FOXR1: variants seen among roughly 807,000 people sequenced by gnomAD.
FOXR1 encodes the protein forkhead box protein R1.
A neutral mutation model predicts 34.5 loss-of-function variants in FOXR1; 25 were observed. The observed-to-expected ratio is 0.72, with a 90% CI of 0.53 to 1.01. The LOEUF is 1.01. FOXR1 is among the 50% of genes least tolerant of loss of function. FOXR1 has a pLI of 0.00. For synonymous variants in FOXR1, 153 were observed against 141.6 expected (o/e 1.08, Z -0.57); for missense variants, 373 against 376.2 (o/e 0.99, Z 0.07).
intron 1 of FOXR1, 133 bp downstream of exon 1, chr11:118,972,125 CCG>C: frequency 2.1e-6 from 1 of 486,240 alleles, no homozygotes; most frequent in Non-Finnish European, 3.1e-6. Flanking sequence ...GCCGAGCGCC[CCG>C]CGCCCCCCCC....
intron 4 of FOXR1, among the ~76,000 whole-genome samples, chr11:118,980,055 G>T (rs1941834870): frequency 6.6e-6 from 1 of 152,060 alleles, no homozygotes; most frequent in Non-Finnish European, 1.5e-5. Context: ...GCACCCCCAG[G>T]GGTGCAGAGA....
At chr11:118,977,045 T>C (rs1277203582) in intron 1 of FOXR1, among the ~76,000 whole-genome samples, 1 of 152,192 alleles carries the variant, frequency 6.6e-6, no homozygotes, top group Non-Finnish European at 1.5e-5. Context: ...TAGAACTTTT[T>C]TTTGAGACAG....
At position 118,978,823 on chromosome 11, in the gene FOXR1, C is replaced by A. The variant is rs1247053576; in HGVS notation, c.103C>A (p.Pro35Thr). 1 of 1,614,184 alleles carries A rather than the reference C, an allele frequency of 6.2e-7. No homozygotes were observed. Among genetic ancestry groups the A allele is most frequent in the Admixed American group, 1.7e-5 (1 of 60,010 alleles). The change falls in exon 2 of 6, where the codon CCC becomes ACC. Residue 35 changes from proline to threonine, a missense_variant. Physicochemically the swap from Pro to Thr is conservative, Grantham distance 38. Transcript: ENST00000317011. ...KLRIVKPPKL[P>T]LEKKPNPDKD... is the part of the protein sequence containing the mutation. ...CCGAATTGTTAAGCCACCAAAATTA[C>A]CCCTAGAGAAAAAACCCAACCCTGA...
intron 1 of FOXR1, among the ~76,000 whole-genome samples, chr11:118,973,747 A>G (rs142055666): frequency 7.2e-6 from 1 of 138,764 alleles, no homozygotes; most frequent in Non-Finnish European, 1.5e-5. Flanking sequence ...AGGCTGGAGT[A>G]CAGTAGCGCA....
At position 118,971,807 on chromosome 11, in the gene FOXR1, C is replaced by G. The variant is rs1397658557; in HGVS notation, c.-125C>G. The G allele has an allele frequency of 9.6e-7, 1 of 1,038,022 alleles. No homozygotes were observed. The highest frequency in any genetic ancestry group is 1.4e-6 in the Non-Finnish European group (1 of 691,470). 64.3% of individuals were successfully genotyped at this position (1,038,022 alleles called of 1,614,324 possible). A position where few individuals can be genotyped will look rare whatever the true frequency, so the allele number is the denominator to read the frequency against. On this transcript the variant is annotated 5_prime_UTR_variant, in exon 1 of 6. Coordinates refer to ENST00000317011, the MANE Select transcript of FOXR1 (RefSeq NM_181721.3). ...AGGGTCGCTCCTCAGCCGCCGCGCT[C>G]CCACTCCGCGTCCCCACTCCGCGCC... is the stretch of plus-strand genomic sequence containing the variant.
intron 1 of FOXR1, among the ~76,000 whole-genome samples, chr11:118,974,111 T>C (rs1941750620): frequency 6.6e-6 from 1 of 151,950 alleles, no homozygotes; most frequent in Non-Finnish European, 1.5e-5. Flanking sequence ...GAAGGGAAAG[T>C]GGTAAGGTCA....
At position 118,980,473 on chromosome 11, in the gene FOXR1, C is replaced by G. The variant is rs782417384; in HGVS notation, c.612-17C>G. On this transcript the variant is annotated splice_polypyrimidine_tract_variant and intron_variant, in intron 4 of 5. Coordinates refer to ENST00000317011, the MANE Select transcript of FOXR1 (RefSeq NM_181721.3). ...AGACATAACATGCCTTTCCTTACCT[C>G]TCCTCCCTGTCCATAGAAAGCACTT... The G allele has an allele frequency of 2.9e-5, 47 of 1,612,868 alleles. No individual in the cohort carries two copies. Among genetic ancestry groups the G allele is most frequent in the Non-Finnish European group, 2.9e-5 (34 of 1,179,098 alleles).
chr11:118,977,072 C>G (rs1941787998), intron 1 of FOXR1, among the ~76,000 whole-genome samples: 1 of 152,120 alleles, frequency 6.6e-6, no homozygotes, highest in African/African-American at 2.4e-5. Flanking sequence ...GCTGTGTCAC[C>G]TAGGCTGGAG....
At chr11:118,976,124 G>A (rs1291021245) in intron 1 of FOXR1, among the ~76,000 whole-genome samples, 2 of 152,210 alleles carry the variant, frequency 1.3e-5, no homozygotes, top group African/African-American at 2.4e-5. Context: ...GTTGGTTTAG[G>A]TTATGCCTGA....
chr11:118,976,815 GTAT>G (rs1565646018), intron 1 of FOXR1, among the ~76,000 whole-genome samples: 3 of 151,884 alleles, frequency 2.0e-5, no homozygotes, highest in African/African-American at 7.3e-5. Context: ...AGTGTTTTTC[GTAT>G]TATTAATAAT....
intron 4 of FOXR1, 25 bp downstream of exon 4, chr11:118,979,693 A>T (rs1361208810): frequency 1.3e-6 from 2 of 1,551,188 alleles, no homozygotes; most frequent in African/African-American, 2.7e-5. Context: ...CCCTGCGAGG[A>T]GGGGGAAGTG....
intron 1 of FOXR1, among the ~76,000 whole-genome samples, chr11:118,978,003 A>G (rs1022709017): frequency 6.6e-6 from 1 of 151,992 alleles, no homozygotes; most frequent in Non-Finnish European, 1.5e-5. Context: ...GCAGATCATG[A>G]GTCAGGAGTT....
At position 118,979,074 on chromosome 11, in the gene FOXR1, C is replaced by T. The variant is rs376486817; in HGVS notation, c.254C>T (p.Ser85Phe). ...GAGGACCTGACAAGCACACTCCCCT[C>T]CTCTCAGCCACCCCAGAAGGAGGAA... ...KREDLTSTLP[S>F]SQPPQKEEDA... Residue 85 changes from serine (S) to phenylalanine (F), a missense_variant, in exon 3 of 6, where the codon TCC (serine) becomes TTC (phenylalanine). Transcript: ENST00000317011. The T allele has an allele frequency of 2.5e-6, 4 of 1,606,900 alleles. No individual in the cohort carries two copies. In the African/African-American group the frequency reaches 4.0e-5, roughly 16 times the overall value.
chr11:118,974,011 T>C (rs1265494818), intron 1 of FOXR1, among the ~76,000 whole-genome samples: 1 of 152,154 alleles, frequency 6.6e-6, no homozygotes, highest in Non-Finnish European at 1.5e-5. Context: ...GCTACAGTTT[T>C]AAATAAGATT....
At chr11:118,978,752 T>C in intron 1 of FOXR1, 30 bp from the exon 2 acceptor site, 1 of 1,612,668 alleles carries the variant, frequency 6.2e-7, no homozygotes. Flanking sequence ...TCTAGGATGT[T>C]TTGACTCTCT....
intron 1 of FOXR1, among the ~76,000 whole-genome samples, chr11:118,975,069 A>G (rs1376125379): frequency 6.6e-6 from 1 of 152,164 alleles, no homozygotes; most frequent in African/African-American, 2.4e-5. Context: ...GAACTTAAGG[A>G]GTAAGAATAG....
At position 118,971,982 on chromosome 11, in the gene FOXR1, G is replaced by C; in HGVS notation, c.51G>C (p.Ala17=). ...LAFTTSHLPL[A]EQKLARYKLR... is the part of the protein sequence containing the mutation. ...TCACCACATCTCACCTCCCCTTAGC[G>C]GAGCAGAAACGTGAGTAGCGGGTGG... Residue 17 remains alanine, a synonymous_variant, in exon 1 of 6, where the codon GCG becomes GCC. Coordinates refer to ENST00000317011, the MANE Select transcript of FOXR1 (RefSeq NM_181721.3). The C allele has an allele frequency of 6.4e-7, 1 of 1,551,578 alleles. No individual in the cohort carries two copies. Among genetic ancestry groups the C allele is most frequent in the South Asian group, 1.2e-5 (1 of 84,078 alleles).
intron 1 of FOXR1, among the ~76,000 whole-genome samples, chr11:118,977,907 AC>A (rs1426685008): frequency 1.3e-5 from 2 of 151,924 alleles, no homozygotes; most frequent in Non-Finnish European, 2.9e-5. Context: ...GGCAACATAG[AC>A]CCTCATCTAT....
In FOXR1 at chr11:118,979,472, G is replaced by A; in HGVS notation, c.415G>A (p.Glu139Lys). Residue 139 changes from glutamate to lysine, a missense_variant, in exon 4 of 6, where the codon GAA becomes AAA. Physicochemically the swap from Glu to Lys is moderately conservative, Grantham distance 56. Coordinates refer to ENST00000317011, the MANE Select transcript of FOXR1 (RefSeq NM_181721.3). Reference protein sequence around the residue: ...LTEEEEAEDQEDSSSMALPSP... With the variant: ...LTEEEEAEDQKDSSSMALPSP... ...AGAAGAGGAGGAGGCTGAGGACCAG[G>A]AAGACAGCTCCTCTATGGCTCTCCC... The A allele has an allele frequency of 3.1e-6, 5 of 1,611,376 alleles. No individual in the cohort carries two copies. In the South Asian group the frequency reaches 5.5e-5, roughly 18 times the overall value.
Sources: allele counts gnomAD v4.1 joint callset (sites outside exome capture counted in the v4.1 genomes callset), GRCh38; gene constraint gnomAD v4.1.1; transcripts MANE v1.5; gene names NCBI Gene and HGNC (gene_info 2026-07-23, HGNC 2026-07-21).